Variants in UTP6 observed in about 807,000 individuals in gnomAD.
UTP6 encodes UTP6 small subunit processome component, also known as U3 small nucleolar RNA-associated protein 6 homolog.
A neutral mutation model predicts 96.5 loss-of-function variants in UTP6; 60 were observed. The observed-to-expected ratio is 0.62, with a 90% CI of 0.51 to 0.77. The LOEUF is 0.77. UTP6 is among the 30% of genes least tolerant of loss of function. The pLI is 0.00. For missense variants in UTP6, 637 were observed against 706.5 expected (o/e 0.90, Z 1.12); for synonymous variants, 215 against 240.1 (o/e 0.90, Z 0.96).
At chr17:31,893,542 G>A (rs1567792476) in intron 4 of UTP6, among the ~76,000 whole-genome samples, 1 of 150,944 alleles carries the variant, frequency 6.6e-6, no homozygotes, top group Admixed American at 6.6e-5. Flanking sequence ...GACCAGCCTG[G>A]CCAAGATGGT....
At position 31,875,362 on chromosome 17, in the gene UTP6, C is replaced by A. The variant is rs1226375280; in HGVS notation, c.1177G>T (p.Val393Leu). Residue 393 changes from valine to leucine, a missense_variant, in exon 14 of 19, where the codon GTA becomes TTA. Transcript: ENST00000261708. Reference sequence around the variant, plus strand: ...TCTCTAAACAATTCAGTTCCAGCTACTGCCACTTCCAGAGCTTCCCTCAGG... The same window carrying A: ...TCTCTAAACAATTCAGTTCCAGCTAATGCCACTTCCAGAGCTTCCCTCAGG... The part of the protein sequence containing the change: ...NFLREALEVA[V>L]AGTELFRDSG... 8 of 1,614,198 alleles carry A rather than the reference C, an allele frequency of 5.0e-6. No individual in the cohort carries two copies. The highest frequency in any genetic ancestry group is 6.8e-6 in the Non-Finnish European group (8 of 1,180,040).
intron 4 of UTP6, among the ~76,000 whole-genome samples, chr17:31,894,071 C>T (rs1446560343): frequency 6.6e-6 from 1 of 151,484 alleles, no homozygotes; most frequent in Non-Finnish European, 1.5e-5. Flanking sequence ...GAGTTCGAGA[C>T]CAGCCTAAAA....
rs11444704 is a variant in UTP6 at position 31,884,002 on chromosome 17, A to ATT, written c.785+420_785+421dup. 6.3e-3 allele frequency among the ~76,000 whole-genome samples: 877 copies of ATT among 140,286 alleles called. 10 individuals carry two copies. Among genetic ancestry groups the ATT allele is most frequent in the East Asian group, 0.038 (184 of 4,804 alleles). The allele number at this position is 140,286 out of a possible 152,430, so 92.0% of individuals were successfully genotyped here. A position where few individuals can be genotyped will look rare whatever the true frequency, so the allele number is the denominator to read the frequency against. Reference sequence around the variant, plus strand: ...TTTTTTTTAACGTAATATGATATTAATTTTTTTTTTTTTTTGAGATGGAGT... The same window carrying ATT: ...TTTTTTTTAACGTAATATGATATTAATTTTTTTTTTTTTTTTTGAGATGGAGT... On this transcript the variant is annotated intron_variant, in intron 10 of 18. Transcript: ENST00000261708.
In UTP6 at chr17:31,865,375, C is replaced by A; in HGVS notation, c.1627G>T (p.Ala543Ser). The change falls in exon 18 of 19, where the codon GCA becomes TCA. Residue 543 changes from alanine to serine, a missense_variant. Ala to Ser is a moderately conservative substitution (Grantham distance 99). Transcript: ENST00000261708. ...TTAAGGGTTTACTTACCAGAATCTG[C>A]GGATCCAAACTCTCTCAAAGCTCTC... Reference protein sequence around the residue: ...YERALREFGSADSDLWMDYMK... With the variant: ...YERALREFGSSDSDLWMDYMK... 6.2e-7 allele frequency: 1 copy of A among 1,613,800 alleles called. No homozygotes were observed. The highest frequency in any genetic ancestry group is 1.1e-5 in the South Asian group (1 of 91,070).
chr17:31,887,177 A>C lies in UTP6; in HGVS notation c.621+59T>G. ...TTCCAAATATTTTCTCTTACTCCTA[A>C]GCAGGCTCAAAATGTTATACATCGT... On this transcript the variant is annotated intron_variant, in intron 8 of 18. Transcript: ENST00000261708. The C allele has an allele frequency of 4.8e-6, 7 of 1,445,106 alleles. No individual in the cohort carries two copies. In the South Asian group the frequency reaches 7.1e-5, roughly 15 times the overall value. The allele number at this position is 1,445,106 out of a possible 1,614,324, so 89.5% of individuals were successfully genotyped here.
At chr17:31,874,726 G>C (rs1006114281) in intron 14 of UTP6, among the ~76,000 whole-genome samples, 2 of 152,010 alleles carry the variant, frequency 1.3e-5, no homozygotes, top group Non-Finnish European at 2.9e-5. Flanking sequence ...GAGGCTAGGA[G>C]TTCCAGACCA....
intron 8 of UTP6, chr17:31,886,565 G>C (rs1911158217): frequency 6.5e-6 from 1 of 153,600 alleles, no homozygotes; most frequent in Non-Finnish European, 1.4e-5. Flanking sequence ...TTCGGAGGCT[G>C]TGGCAGGAGA....
At chr17:31,896,645 T>A (rs372456095) in intron 2 of UTP6, among the ~76,000 whole-genome samples, 1,389 of 93,536 alleles carry the variant, frequency 0.015, 6 homozygotes, top group Admixed American at 0.016. Context: ...CAGAAAAAAA[T>A]TTTTTTTTTT....
In UTP6 at chr17:31,880,737, G is replaced by A; in HGVS notation, c.803C>T (p.Thr268Ile). ...EIYDDLQALHTDDPLTWDYVA... is the reference protein window; with the variant it reads ...EIYDDLQALHIDDPLTWDYVA... The stretch of plus-strand genomic sequence containing the variant: ...ATAATCCCAAGTGAGAGGATCATCT[G>A]TGTGTAGAGCCTGAAGGCTGAAAAA... Residue 268 changes from threonine (T) to isoleucine (I), a missense_variant, in exon 11 of 19, where the codon ACA (threonine) becomes ATA (isoleucine). Physicochemically the swap from Thr to Ile is moderately conservative, Grantham distance 89 (BLOSUM62 -1). Transcript: ENST00000261708. The A allele has an allele frequency of 6.8e-6, 11 of 1,614,112 alleles. No individual in the cohort carries two copies. Among genetic ancestry groups the A allele is most frequent in the Non-Finnish European group, 9.3e-6 (11 of 1,180,020 alleles).
At position 31,891,702 on chromosome 17, in the gene UTP6, A is replaced by G. The variant is rs138536871; in HGVS notation, c.424+558T>C. Among the ~76,000 whole-genome samples the G allele has an allele frequency of 1.5e-4, 23 of 152,304 alleles. No homozygotes were observed. The East Asian group carries it at 4.2e-3, about 28-fold the overall frequency. ...AATAAAATGTCCCACAAAGGATTCAAAAGTTTATTTTGCCATCATCTAAAA... is the reference window on the plus strand; with the variant it reads ...AATAAAATGTCCCACAAAGGATTCAGAAGTTTATTTTGCCATCATCTAAAA... On this transcript the variant is annotated intron_variant, in intron 6 of 18. Coordinates refer to ENST00000261708, the MANE Select transcript of UTP6 (RefSeq NM_018428.3).
chr17:31,901,460 C>T (rs1286055575), intron 1 of UTP6, 76 bp downstream of exon 1: 73 of 1,410,830 alleles, frequency 5.2e-5, no homozygotes, highest in East Asian at 2.8e-4. Context: ...AGCGTCCCCA[C>T]ATCTAGCCCC....
At chr17:31,900,772 T>C (rs1170679058) in intron 1 of UTP6, among the ~76,000 whole-genome samples, 2 of 152,212 alleles carry the variant, frequency 1.3e-5, no homozygotes, top group Non-Finnish European at 2.9e-5. Context: ...TCAGAGTCCT[T>C]AGCTAAGGAA....
At position 31,863,466 on chromosome 17, in the gene UTP6, G is replaced by A; in HGVS notation, c.1687C>T (p.Pro563Ser). 6.2e-7 allele frequency: 1 copy of A among 1,613,828 alleles called. No individual in the cohort carries two copies. Among genetic ancestry groups the A allele is most frequent in the Non-Finnish European group, 8.5e-7 (1 of 1,179,928 alleles). Residue 563 changes from proline to serine, a missense_variant, in exon 19 of 19, where the codon CCT (proline) becomes TCT (serine). Coordinates refer to ENST00000261708, the MANE Select transcript of UTP6 (RefSeq NM_018428.3). ...CAGTAGATCTGTCCACAGTTCTCAG[G>A]TCTACCAAGGGGGTGGTTCAATTCT... ...KEELNHPLGR[P>S]ENCGQIYWRA...
At chr17:31,878,430 G>A in intron 12 of UTP6, 103 bp from the exon 13 acceptor site, 1 of 1,155,774 alleles carries the variant, frequency 8.7e-7, no homozygotes, top group Non-Finnish European at 1.3e-6. Flanking sequence ...AAAATTCAAA[G>A]AAGCTGACTT....
intron 13 of UTP6, among the ~76,000 whole-genome samples, chr17:31,877,582 A>G (rs956523595): frequency 2.0e-5 from 3 of 152,206 alleles, no homozygotes; most frequent in African/African-American, 7.2e-5. Flanking sequence ...CTGTAATCTC[A>G]GCACTTTGGG....
chr17:31,891,161 C>T (rs951770196), intron 6 of UTP6, among the ~76,000 whole-genome samples: 1 of 152,062 alleles, frequency 6.6e-6, no homozygotes, highest in African/African-American at 2.4e-5. Context: ...GATTGGTAAC[C>T]ACACCTGGAA....
At chr17:31,884,187 G>T (rs181208955) in intron 10 of UTP6, among the ~76,000 whole-genome samples, 1 of 151,650 alleles carries the variant, frequency 6.6e-6, no homozygotes, top group African/African-American at 2.4e-5. Flanking sequence ...TAGTAGAGAC[G>T]GGGTTTCACC....
intron 1 of UTP6, chr17:31,901,305 G>A (rs912414518): frequency 1.3e-5 from 7 of 535,972 alleles, no homozygotes; most frequent in African/African-American, 9.5e-5. Flanking sequence ...ACAGCCCTAA[G>A]ACCCGGCTCC....
chr17:31,880,278 G>T (rs1910742706), intron 11 of UTP6: 3 of 353,292 alleles, frequency 8.5e-6, no homozygotes, highest in South Asian at 7.9e-5. Context: ...AAAATTAGCT[G>T]GGCATGGTGG....
Sources: gnomAD v4.1 joint callset for allele counts (sites outside exome capture counted in the v4.1 genomes callset) on GRCh38, gnomAD v4.1.1 for gene constraint, MANE v1.5 for transcripts, NCBI Gene and HGNC (gene_info 2026-07-23, HGNC 2026-07-21) for gene names.